EFHB: variants seen among roughly 807,000 people sequenced by gnomAD.
EFHB encodes EF-hand domain family member B, also known as EF-hand domain-containing family member B.
EFHB carries 91 observed loss-of-function variants against 87.2 expected under a neutral mutation model. The ratio of observed to expected loss-of-function variants is 1.04; its 90% CI spans 0.88 to 1.24. EFHB has a LOEUF of 1.24. Among genes scored for constraint, EFHB ranks in the 50% most tolerant of loss-of-function variants. The probability of loss-of-function intolerance (pLI) is 0.00; values close to 1 mark genes in which losing one functional copy is unlikely to be tolerated. For missense variants in EFHB, 1,084 were observed against 998.8 expected, an observed-to-expected ratio of 1.09 and a Z score of -1.15; for synonymous variants, 325 against 333.6, an observed-to-expected ratio of 0.97 and a Z score of 0.28.
chr3:19,916,780 AC>A (rs1695248813), intron 4 of EFHB, among the ~76,000 whole-genome samples: 1 of 152,176 alleles, frequency 6.6e-6, no homozygotes, highest in Admixed American at 6.5e-5. Flanking sequence ...TTTCGACCTA[AC>A]AACATAGATT....
intron 1 of EFHB, among the ~76,000 whole-genome samples, chr3:19,931,741 C>A (rs1439884769): frequency 6.6e-6 from 1 of 152,160 alleles, no homozygotes; most frequent in African/African-American, 2.4e-5. Flanking sequence ...ATTTAATCAT[C>A]CGGGTTTCCT....
At chr3:19,946,012 G>C (rs1230878481) in intron 1 of EFHB, 1 of 152,202 alleles carries the variant, frequency 6.6e-6, no homozygotes, top group East Asian at 1.9e-4. Context: ...GCGGAGGCTG[G>C]GGAGGGGGTG....
chr3:19,893,469 C>T (rs1163321954), intron 9 of EFHB, among the ~76,000 whole-genome samples: 1 of 152,156 alleles, frequency 6.6e-6, no homozygotes, highest in Non-Finnish European at 1.5e-5. Context: ...AGCAACCGAG[C>T]TCTTGGAGAG....
rs754325440 is a variant in EFHB, at chr3:19,896,823, T to G, written c.1589A>C (p.His530Pro). 9 of 1,613,304 alleles carry G rather than the reference T, an allele frequency of 5.6e-6. No individual in the cohort carries two copies. Among genetic ancestry groups the G allele is most frequent in the Non-Finnish European group, 7.6e-6 (9 of 1,179,362 alleles). Reference sequence around the variant, plus strand: ...AAGATATTCATCCGGAAGTCTATTATGGATGAGATCACCAACTCCTATTGA... The same window carrying G: ...AAGATATTCATCCGGAAGTCTATTAGGGATGAGATCACCAACTCCTATTGA... ...PEEYGVGDLI[H>P]NRLPDEYLRG... Residue 530 changes from histidine to proline, a missense_variant, in exon 9 of 13, where the codon CAT becomes CCT. His to Pro is a moderately conservative substitution (Grantham distance 77). Coordinates refer to ENST00000295824, the MANE Select transcript of EFHB (RefSeq NM_144715.4).
chr3:19,900,605 A>G lies in EFHB; in HGVS notation c.1419-1090T>C, dbSNP rs189777740. 9.2e-5 allele frequency among the ~76,000 whole-genome samples: 14 copies of G among 152,328 alleles called. No homozygotes were observed. The East Asian group carries it at 1.9e-3, about 21-fold the overall frequency. On this transcript the variant is annotated intron_variant, in intron 6 of 12. Coordinates refer to ENST00000295824, the MANE Select transcript of EFHB (RefSeq NM_144715.4). ...TTTTATCCACATCTGGGAACCAATA[A>G]TAATGATATAATCCAGATAGCAATT...
In EFHB at chr3:19,888,483, T is replaced by G; in HGVS notation, c.1894A>C (p.Met632Leu). The G allele has an allele frequency of 6.4e-7, 1 of 1,568,846 alleles. No individual in the cohort carries two copies. Among genetic ancestry groups the G allele is most frequent in the Non-Finnish European group, 8.7e-7 (1 of 1,154,654 alleles). Residue 632 changes from methionine (M) to leucine (L), a missense_variant, in exon 10 of 13, where the codon ATG (methionine) becomes CTG (leucine). Met to Leu is a conservative substitution (Grantham distance 15). Coordinates refer to ENST00000295824, the MANE Select transcript of EFHB (RefSeq NM_144715.4). ...FANFLNWKDKMLLKEYEERVI... is the reference protein window; with the variant it reads ...FANFLNWKDKLLLKEYEERVI... ...CTCTCTTCATACTCTTTAAGAAGCA[T>G]TTTGTCTTTCCAGTTAAGAAAATTT...
At position 19,881,578 on chromosome 3, in the gene EFHB, T is replaced by C. The variant is rs568674449; in HGVS notation, c.2328+972A>G. ...GTGAAAACACAATCTGGAGGTTTTC[T>C]TCTTTGACCCACAGGAAGGATACCA... On this transcript the variant is annotated intron_variant, in intron 12 of 12. Coordinates refer to ENST00000295824, the MANE Select transcript of EFHB (RefSeq NM_144715.4). 3.9e-5 allele frequency among the ~76,000 whole-genome samples: 6 copies of C among 152,316 alleles called. No homozygotes were observed. In the South Asian group the frequency reaches 1.0e-3, roughly 26 times the overall value.
chr3:19,924,042 G>A (rs1695530174), intron 1 of EFHB, among the ~76,000 whole-genome samples: 1 of 152,074 alleles, frequency 6.6e-6, no homozygotes, highest in Non-Finnish European at 1.5e-5. Flanking sequence ...ACCAGCCTGG[G>A]CAACAAAGTG....
intron 10 of EFHB, among the ~76,000 whole-genome samples, chr3:19,885,214 C>T (rs1389403198): frequency 7.3e-6 from 1 of 137,624 alleles, no homozygotes; most frequent in Non-Finnish European, 1.6e-5. Flanking sequence ...AACAGTGAGA[C>T]TTCGTCTCAA....
intron 4 of EFHB, among the ~76,000 whole-genome samples, chr3:19,916,634 C>A (rs1350372663): frequency 1.3e-5 from 2 of 152,084 alleles, no homozygotes; most frequent in African/African-American, 2.4e-5. Context: ...GGTCCTAAAT[C>A]TGGAAAAGAT....
At chr3:19,938,186 G>T (rs1470313836), upstream of EFHB, among the ~76,000 whole-genome samples, 1 of 152,174 alleles carries the variant, frequency 6.6e-6, no homozygotes, top group Non-Finnish European at 1.5e-5. Flanking sequence ...AGGAGAAAGG[G>T]CTGTGATTGA....
intron 1 of EFHB, among the ~76,000 whole-genome samples, chr3:19,928,223 G>C (rs1310176750): frequency 1.3e-5 from 2 of 151,872 alleles, no homozygotes; most frequent in African/African-American, 4.8e-5. Flanking sequence ...TATGAAGATG[G>C]TTTACCCTTA....
chr3:19,905,887 A>T, intron 5 of EFHB, 138 bp from the exon 6 acceptor site: 1 of 1,052,562 alleles, frequency 9.5e-7, no homozygotes, highest in Non-Finnish European at 1.3e-6. Context: ...GAAACTGCAC[A>T]GATTTAGCTA....
intron 4 of EFHB, among the ~76,000 whole-genome samples, chr3:19,916,393 T>C (rs1462261144): frequency 1.3e-5 from 2 of 151,882 alleles, no homozygotes; most frequent in Non-Finnish European, 2.9e-5. Flanking sequence ...CACACGCCTG[T>C]AATCCCAGCT....
At chr3:19,885,577 G>A (rs1299275621) in intron 10 of EFHB, among the ~76,000 whole-genome samples, 3 of 152,182 alleles carry the variant, frequency 2.0e-5, no homozygotes. Context: ...TATACCACTA[G>A]AGAGCGCTGT....
chr3:19,905,678 G>A lies in EFHB; in HGVS notation c.1360C>T (p.His454Tyr). ...RCSVYGVPTP[H>Y]FNDGRAMAKS... ...GCCATGGCTCGTCCATCATTAAAAT[G>A]TGGTGTTGGTACTCCATACACACTA... The change falls in exon 6 of 13, where the codon CAT (histidine) becomes TAT (tyrosine). Residue 454 changes from histidine to tyrosine, a missense_variant. Physicochemically the swap from His to Tyr is moderately conservative, Grantham distance 83. Transcript: ENST00000295824. 1 of 1,613,824 alleles carries A rather than the reference G, an allele frequency of 6.2e-7. No homozygotes were observed. Among genetic ancestry groups the A allele is most frequent in the Non-Finnish European group, 8.5e-7 (1 of 1,179,798 alleles).
intron 9 of EFHB, chr3:19,894,966 A>G (rs1694425177): frequency 1.3e-5 from 2 of 150,022 alleles, no homozygotes; most frequent in South Asian, 4.2e-4. Flanking sequence ...CCTGGGGGAC[A>G]AGAGCAAGAC....
chr3:19,898,701 A>G (rs1694565111), intron 8 of EFHB, 77 bp downstream of exon 8: 1 of 1,363,086 alleles, frequency 7.3e-7, no homozygotes, highest in Non-Finnish European at 1.0e-6. Flanking sequence ...GGAGATGGTG[A>G]GCTTAACTGC....
chr3:19,940,533 T>G (rs1696132842), intron 1 of EFHB: 1 of 506,184 alleles, frequency 2.0e-6, no homozygotes, highest in African/African-American at 1.9e-5. Context: ...CTTCAACAGT[T>G]GCTTCCATGT....
Sources: gnomAD v4.1 joint callset for allele counts (sites outside exome capture counted in the v4.1 genomes callset) on GRCh38, gnomAD v4.1.1 for gene constraint, MANE v1.5 for transcripts, NCBI Gene and HGNC (gene_info 2026-07-23, HGNC 2026-07-21) for gene names.